CDCP1: variants seen among roughly 807,000 people sequenced by gnomAD.
The protein encoded by CDCP1 is CUB domain-containing protein 1.
A neutral mutation model predicts 60.2 loss-of-function variants in CDCP1; 29 were observed. The ratio of observed to expected loss-of-function variants is 0.48; its 90% CI spans 0.36 to 0.66. The LOEUF (loss-of-function observed/expected upper bound fraction) is 0.66, where lower values mean the gene tolerates loss of function less well. Ranked by LOEUF, CDCP1 falls within the 30% of genes least tolerant of loss-of-function variation. The pLI is 0.00. For synonymous variants in CDCP1, 387 were observed against 431.1 expected (o/e 0.90, Z 1.27); for missense variants, 876 against 1,074.3 (o/e 0.82, Z 2.58).
chr3:45,082,695 G>A lies in CDCP1; in HGVS notation c.*2943C>T, dbSNP rs1198082299. On this transcript the variant is annotated 3_prime_UTR_variant, in exon 9 of 9. Transcript: ENST00000296129. Reference sequence around the variant, plus strand: ...TGCTTGTTCCAGTTGACTCTTCCTTGAGACCTTTCCCTTCTGTGCAATGAC... The same window carrying A: ...TGCTTGTTCCAGTTGACTCTTCCTTAAGACCTTTCCCTTCTGTGCAATGAC... The A allele has an allele frequency of 6.6e-6, 1 of 152,216 alleles. No homozygotes were observed. The highest frequency in any genetic ancestry group is 1.5e-5 in the Non-Finnish European group (1 of 68,078). 9.4% of individuals were successfully genotyped at this position (152,216 alleles called of 1,614,324 possible). A position where few individuals can be genotyped will look rare whatever the true frequency, so the allele number is the denominator to read the frequency against.
intron 2 of CDCP1, among the ~76,000 whole-genome samples, chr3:45,116,189 T>C (rs759770354): frequency 3.4e-5 from 5 of 146,706 alleles, no homozygotes; most frequent in Non-Finnish European, 7.4e-5. Context: ...CCTGATTTAC[T>C]AAGAGTGTTT....
chr3:45,120,897 C>G (rs749839406), intron 1 of CDCP1, among the ~76,000 whole-genome samples: 1 of 68,428 alleles, frequency 1.5e-5, no homozygotes, highest in African/African-American at 5.6e-5. Context: ...ACCAGCCCAC[C>G]TAAAGTGCTC....
intron 1 of CDCP1, among the ~76,000 whole-genome samples, chr3:45,131,270 T>G (rs1699089099): frequency 6.6e-6 from 1 of 152,108 alleles, no homozygotes; most frequent in Non-Finnish European, 1.5e-5. Context: ...CCTGCAAATA[T>G]TTCTTTTTGC....
Position 45,085,585 on chromosome 3 carries a change from T to C in CDCP1, c.*53A>G. ...ATTTCTGGTTAGGAACACGGACGGGTGTCTCAGTGCCCTGCTTTATGAAAC... is the reference window on the plus strand; with the variant it reads ...ATTTCTGGTTAGGAACACGGACGGGCGTCTCAGTGCCCTGCTTTATGAAAC... On this transcript the variant is annotated 3_prime_UTR_variant, in exon 9 of 9. Transcript: ENST00000296129. The surrounding 1 kb of genome is among the most constrained non-coding windows in gnomAD (Gnocchi z 4.2). 5.3e-6 allele frequency: 8 copies of C among 1,519,510 alleles called. No homozygotes were observed. The highest frequency in any genetic ancestry group is 7.1e-6 in the Non-Finnish European group (8 of 1,119,458). 94.1% of individuals were successfully genotyped at this position (1,519,510 alleles called of 1,614,324 possible).
rs1698170216 is a variant in CDCP1, at chr3:45,085,408, T to C, written c.*230A>G. The C allele has an allele frequency of 1.5e-5, 8 of 530,792 alleles. No individual in the cohort carries two copies. In the South Asian group the frequency reaches 1.8e-4, roughly 12 times the overall value. The allele number at this position is 530,792 out of a possible 1,614,324, so 32.9% of individuals were successfully genotyped here. On this transcript the variant is annotated 3_prime_UTR_variant, in exon 9 of 9. Coordinates refer to ENST00000296129, the MANE Select transcript of CDCP1 (RefSeq NM_022842.5). The surrounding 1 kb of genome is among the most constrained non-coding windows in gnomAD (Gnocchi z 4.2). ...GGCTGGCTAACCGCACAGCCTAAGT[T>C]GAGGAGCACATGAGCTGTCATGACT...
At chr3:45,112,868 T>C (rs1052579015) in intron 2 of CDCP1, among the ~76,000 whole-genome samples, 21 of 152,222 alleles carry the variant, frequency 1.4e-4, no homozygotes, top group African/African-American at 4.8e-4. Context: ...TAAAACCGCA[T>C]CTGCATTCAG....
chr3:45,146,406 C>T, upstream of CDCP1: 2 of 783,036 alleles, frequency 2.6e-6, no homozygotes, highest in East Asian at 3.4e-5. Context: ...GCGGGCGGAC[C>T]GGCCCGAGCC....
In CDCP1 at chr3:45,125,379, C is replaced by T. The variant is rs80036829; in HGVS notation, c.83-6758G>A. Among the ~76,000 whole-genome samples, 128 of 152,216 alleles carry T rather than the reference C, an allele frequency of 8.4e-4. 1 individual carries two copies. The East Asian group carries it at 0.014, about 17-fold the overall frequency. ...AGTACAGATTCTAGAATCAAACTGT[C>T]TAGGGTCAATTCCCGGCACTACCAC... On this transcript the variant is annotated intron_variant, in intron 1 of 8. Coordinates refer to ENST00000296129, the MANE Select transcript of CDCP1 (RefSeq NM_022842.5).
chr3:45,108,953 A>ACATATATATATATATATT (rs1559392757), intron 4 of CDCP1, among the ~76,000 whole-genome samples: 10 of 41,134 alleles, frequency 2.4e-4, no homozygotes, highest in East Asian at 2.1e-3. Context: ...ATATATATAT[A>ACATATATATATATATATT]TTTTTTTTTT....
intron 1 of CDCP1, among the ~76,000 whole-genome samples, chr3:45,126,110 CTTTCTTTCTT>C (rs1447981511): frequency 4.2e-5 from 3 of 71,666 alleles, no homozygotes; most frequent in East Asian, 6.9e-4. Context: ...GTCTCTCTCT[CTTTCTTTCTT>C]TCTTTCTTTC....
rs62242538 is a variant in CDCP1 at position 45,112,290 on chromosome 3, C to T, written c.448G>A (p.Gly150Ser). 1.2e-5 allele frequency: 19 copies of T among 1,614,194 alleles called. No individual in the cohort carries two copies. The highest frequency in any genetic ancestry group is 2.2e-5 in the East Asian group (1 of 44,882). Reference sequence around the variant, plus strand: ...CCGTCTGGGCAGCTCTCACCCGGACCGATCTGCCTCAGGCGAGGGATGGAA... The same window carrying T: ...CCGTCTGGGCAGCTCTCACCCGGACTGATCTGCCTCAGGCGAGGGATGGAA... ...QFSIPRLRQI[G>S]PGESCPDGVT... Residue 150 changes from glycine (G) to serine (S), a missense_variant, in exon 3 of 9, where the codon GGT becomes AGT. Gly to Ser is a moderately conservative substitution (Grantham distance 56). Coordinates refer to ENST00000296129, the MANE Select transcript of CDCP1 (RefSeq NM_022842.5).
At chr3:45,132,606 A>C (rs1213708367) in intron 1 of CDCP1, among the ~76,000 whole-genome samples, 2 of 151,960 alleles carry the variant, frequency 1.3e-5, no homozygotes, top group Non-Finnish European at 2.9e-5. Context: ...GTGCCTCATC[A>C]CTTCAGTCAC....
chr3:45,095,481 A>C lies in CDCP1; in HGVS notation c.1112T>G (p.Val371Gly), dbSNP rs775163711. 6.8e-6 allele frequency: 11 copies of C among 1,614,082 alleles called. No individual in the cohort carries two copies. The highest frequency in any genetic ancestry group is 1.3e-5 in the African/African-American group (1 of 74,938). Residue 371 changes from valine (V) to glycine (G), a missense_variant, in exon 5 of 9, where the codon GTC (valine) becomes GGC (glycine). Physicochemically the swap from Val to Gly is moderately radical, Grantham distance 109. Transcript: ENST00000296129. The stretch of plus-strand genomic sequence containing the variant: ...TTCTAGACACACGAAACAGCCAGGG[A>C]CAAACTTGCGGCTCTGTTTGACGGG... ...PRPVKQSRKF[V>G]PGCFVCLESR...
At chr3:45,096,950 C>T (rs892322395) in intron 4 of CDCP1, among the ~76,000 whole-genome samples, 1 of 152,112 alleles carries the variant, frequency 6.6e-6, no homozygotes, top group African/African-American at 2.4e-5. Flanking sequence ...CTATTTCTTG[C>T]ATCATTTGGA....
intron 5 of CDCP1, among the ~76,000 whole-genome samples, 199 bp downstream of exon 5, chr3:45,095,148 G>T (rs1444575001): frequency 6.6e-6 from 1 of 152,064 alleles, no homozygotes; most frequent in Non-Finnish European, 1.5e-5. Flanking sequence ...TGGCCAGGCT[G>T]GTCTTGAACT....
intron 1 of CDCP1, among the ~76,000 whole-genome samples, chr3:45,126,179 T>TTCC (rs1698993861): frequency 1.6e-5 from 2 of 123,676 alleles, no homozygotes; most frequent in East Asian, 2.3e-4. Flanking sequence ...TCTTTCCTTC[T>TTCC]TTCTCTCTCT....
intron 1 of CDCP1, among the ~76,000 whole-genome samples, chr3:45,136,521 C>T (rs760440898): frequency 6.6e-6 from 1 of 152,162 alleles, no homozygotes; most frequent in Non-Finnish European, 1.5e-5. Context: ...ATTTTCTAGG[C>T]CTGCTCAGTG....
chr3:45,112,511 C>T lies in CDCP1; in HGVS notation c.293-66G>A, dbSNP rs1036080292. 1.1e-5 allele frequency: 17 copies of T among 1,564,460 alleles called. No individual in the cohort carries two copies. The African/African-American group carries it at 1.9e-4, about 17-fold the overall frequency. ...CCAAGGCCCCACACCACTCCTCCTC[C>T]ACCACTCAGCCCCCTGTAGTAGACT... On this transcript the variant is annotated intron_variant, in intron 2 of 8. Transcript: ENST00000296129.
At chr3:45,100,986 C>T (rs923093399) in intron 4 of CDCP1, among the ~76,000 whole-genome samples, 2 of 152,300 alleles carry the variant, frequency 1.3e-5, no homozygotes, top group South Asian at 4.1e-4. Flanking sequence ...GGGTTTATTT[C>T]TTGTTCACTT....
Sources: allele counts gnomAD v4.1 joint callset (sites outside exome capture counted in the v4.1 genomes callset), GRCh38; gene constraint gnomAD v4.1.1; non-coding constraint Gnocchi (gnomAD v3.1); transcripts MANE v1.5; gene names NCBI Gene and HGNC (gene_info 2026-07-23, HGNC 2026-07-21).